Variants in THSD4 observed in about 807,000 individuals in gnomAD.
THSD4 encodes thrombospondin type-1 domain-containing protein 4.
A neutral mutation model predicts 119.0 loss-of-function variants in THSD4; 69 were observed. The observed-to-expected ratio is 0.58, with a 90% CI of 0.48 to 0.71. The LOEUF is 0.71. Among genes scored for constraint, THSD4 ranks in the 30% least tolerant of loss-of-function variants. THSD4 has a pLI of 0.00. For missense variants in THSD4, 1,393 were observed against 1,391.1 expected, an observed-to-expected ratio of 1.00 and a Z score of -0.02; for synonymous variants, 524 against 540.4, an observed-to-expected ratio of 0.97 and a Z score of 0.42.
intron 7 of THSD4, among the ~76,000 whole-genome samples, chr15:71,509,547 GGCATT>G (rs1029465240): frequency 2.0e-5 from 3 of 152,178 alleles, no homozygotes; most frequent in African/African-American, 7.2e-5. Flanking sequence ...GAGCAGCAAG[GGCATT>G]TCGACTTCAA....
Position 71,215,108 on chromosome 15 carries a change from C to T in THSD4, c.173C>T (p.Ala58Val). Residue 58 changes from alanine to valine, a missense_variant, in exon 4 of 18, where the codon GCC becomes GTC. Coordinates refer to ENST00000261862, the MANE Select transcript of THSD4 (RefSeq NM_024817.3). ...GGGGAPGVWG[A>V]WGPWSACSRS... ...GGCGGCGCCCCGGGAGTGTGGGGCG[C>T]CTGGGGCCCCTGGTCGGCCTGCTCG... 1 of 1,340,822 alleles carries T rather than the reference C, an allele frequency of 7.5e-7. No individual in the cohort carries two copies. Among genetic ancestry groups the T allele is most frequent in the Non-Finnish European group, 9.6e-7 (1 of 1,043,118 alleles). 83.1% of individuals were successfully genotyped at this position (1,340,822 alleles called of 1,614,324 possible).
chr15:71,375,538 T>C (rs2046123707), intron 6 of THSD4, among the ~76,000 whole-genome samples: 1 of 152,174 alleles, frequency 6.6e-6, no homozygotes, highest in South Asian at 2.1e-4. Context: ...TGCCTGTCTG[T>C]GTTACTCCTG....
intron 6 of THSD4, among the ~76,000 whole-genome samples, chr15:71,272,919 A>G (rs952062967): frequency 1.3e-5 from 2 of 152,148 alleles, no homozygotes; most frequent in Admixed American, 1.3e-4. Context: ...ATATGGAGAA[A>G]GGGGAACCTT....
At chr15:71,657,356 C>T (rs2051211769) in intron 7 of THSD4, among the ~76,000 whole-genome samples, 1 of 152,184 alleles carries the variant, frequency 6.6e-6, no homozygotes, top group South Asian at 2.1e-4. Context: ...CCAGCCATGC[C>T]CTCCTAGACA....
rs1177102569 is a variant in THSD4, at chr15:71,411,946, A to T, written c.1152+123A>T. 2.3e-6 allele frequency: 3 copies of T among 1,320,344 alleles called. No homozygotes were observed. In the Admixed American group the frequency reaches 6.7e-5, roughly 30 times the overall value. The allele number at this position is 1,320,344 out of a possible 1,614,324, so 81.8% of individuals were successfully genotyped here. On this transcript the variant is annotated intron_variant, in intron 7 of 17. Coordinates refer to ENST00000261862, the MANE Select transcript of THSD4 (RefSeq NM_024817.3). ...CAGCCCACGTCAGGGCCACTCAACC[A>T]TGCGCTCTGGGAGGAGTGGGCTGAG...
intron 7 of THSD4, among the ~76,000 whole-genome samples, chr15:71,567,513 C>T (rs914262397): frequency 1.3e-5 from 2 of 151,998 alleles, no homozygotes; most frequent in African/African-American, 2.4e-5. Flanking sequence ...TCCACCAGCT[C>T]CTTTTTCATT....
intron 7 of THSD4, among the ~76,000 whole-genome samples, chr15:71,529,121 G>C (rs2048572663): frequency 6.6e-6 from 1 of 152,192 alleles, no homozygotes; most frequent in South Asian, 2.1e-4. Flanking sequence ...TCAGTGTCCA[G>C]TGCAACCTTG....
chr15:71,112,861 C>A (rs1413402791), upstream of THSD4, among the ~76,000 whole-genome samples: 5 of 152,212 alleles, frequency 3.3e-5, no homozygotes, highest in Non-Finnish European at 7.3e-5. Context: ...GATGCTTACA[C>A]ATAATGTAAA....
chr15:71,160,690 CT>C (rs942146498), intron 3 of THSD4, among the ~76,000 whole-genome samples: 46 of 151,142 alleles, frequency 3.0e-4, no homozygotes, highest in African/African-American at 1.1e-3. Flanking sequence ...AGTCTTTTCT[CT>C]TTTTTTTCTT....
chr15:71,172,700 T>TATATATATATATATATATATATATGTGAC (rs1567145343), intron 3 of THSD4, among the ~76,000 whole-genome samples: 27 of 98,738 alleles, frequency 2.7e-4, no homozygotes, highest in African/African-American at 1.2e-3. Context: ...TATATATATA[T>TATATATATATATATATATATATATGTGAC]ATATATATAT....
At chr15:71,517,893 A>G (rs28666419) in intron 7 of THSD4, among the ~76,000 whole-genome samples, 13,616 of 152,270 alleles carry the variant, frequency 0.089, 963 homozygotes, top group African/African-American at 0.19. Flanking sequence ...CTATTTAATC[A>G]GAACTCCTTC....
intron 3 of THSD4, among the ~76,000 whole-genome samples, chr15:71,177,983 C>T (rs1295304289): frequency 1.3e-4 from 9 of 71,222 alleles, no homozygotes; most frequent in African/African-American, 3.4e-4. Context: ...ATTGATGGGA[C>T]GTATTTCAAA....
chr15:71,497,518 CA>C (rs148225271), intron 7 of THSD4, among the ~76,000 whole-genome samples: 7 of 148,410 alleles, frequency 4.7e-5, no homozygotes, highest in African/African-American at 1.5e-4. Context: ...ATCTCAAAAA[CA>C]AAAAAAAAGG....
chr15:71,155,033 T>A, intron 3 of THSD4, 101 bp downstream of exon 3: 1 of 1,103,072 alleles, frequency 9.1e-7, no homozygotes. Flanking sequence ...GAGTCACCAC[T>A]GATCCTGAAA....
chr15:71,588,176 G>T (rs2049720542), intron 7 of THSD4, among the ~76,000 whole-genome samples: 1 of 151,452 alleles, frequency 6.6e-6, no homozygotes. Context: ...CGTGGTAGCG[G>T]GCGCCTGTAG....
chr15:71,620,586 T>A (rs576250407), intron 7 of THSD4, among the ~76,000 whole-genome samples: 26 of 152,002 alleles, frequency 1.7e-4, no homozygotes, highest in Non-Finnish European at 1.5e-4. Context: ...GCACCAAGAG[T>A]AGCTCATTAT....
At chr15:71,431,839 T>C (rs367631300) in intron 7 of THSD4, among the ~76,000 whole-genome samples, 3 of 152,354 alleles carry the variant, frequency 2.0e-5, no homozygotes, top group East Asian at 3.9e-4. Context: ...CTATAATTTA[T>C]GTGATAACAT....
At chr15:71,251,478 G>C (rs1301349565) in intron 5 of THSD4, among the ~76,000 whole-genome samples, 2 of 152,178 alleles carry the variant, frequency 1.3e-5, no homozygotes, top group Non-Finnish European at 2.9e-5. Flanking sequence ...TAGACTTGGA[G>C]AAGCAAAATG....
intron 7 of THSD4, among the ~76,000 whole-genome samples, chr15:71,442,928 C>A (rs1231492269): frequency 1.3e-5 from 2 of 151,500 alleles, no homozygotes; most frequent in Non-Finnish European, 2.9e-5. Flanking sequence ...TTGTGCTTGA[C>A]ACCTTCTTGT....
Sources: gnomAD v4.1 joint callset for allele counts (sites outside exome capture counted in the v4.1 genomes callset) on GRCh38, gnomAD v4.1.1 for gene constraint, MANE v1.5 for transcripts, NCBI Gene and HGNC (gene_info 2026-07-23, HGNC 2026-07-21) for gene names.